SCGB2B2: variants seen among roughly 807,000 people sequenced by gnomAD.
The protein encoded by SCGB2B2 is secretoglobin family 2B member 2.
In SCGB2B2, 11 loss-of-function variants were observed where a neutral mutation model predicts 7.6. The observed-to-expected ratio is 1.45, with a 90% CI of 0.91 to 2.40. The LOEUF is 2.40. Ranked by LOEUF, SCGB2B2 falls within the 30% of genes most tolerant of loss-of-function variation. The pLI, the probability that SCGB2B2 is intolerant of heterozygous loss-of-function variation, is 0.00. For synonymous variants in SCGB2B2, 50 were observed against 48.6 expected, an observed-to-expected ratio of 1.03 and a Z score of -0.12; for missense variants, 104 against 115.4, an observed-to-expected ratio of 0.90 and a Z score of 0.45.
At chr19:34,659,558 A>G (rs1214764263) in intron 1 of SCGB2B2, among the ~76,000 whole-genome samples, 1 of 152,234 alleles carries the variant, frequency 6.6e-6, no homozygotes, top group Non-Finnish European at 1.5e-5. Context: ...AGAGAATAAA[A>G]TACCTAGGAA....
chr19:34,628,336 G>C (rs1003754173), intron 1 of SCGB2B2, among the ~76,000 whole-genome samples: 7 of 148,526 alleles, frequency 4.7e-5, no homozygotes, highest in Admixed American at 4.0e-4. Flanking sequence ...TCCAGGAACT[G>C]TTTTTTTGAC....
Position 34,676,153 on chromosome 19 carries a change from C to CA in SCGB2B2, c.-2556_-2555insT. The CA allele has an allele frequency of 6.6e-6, 1 of 152,246 alleles. No individual in the cohort carries two copies. The highest frequency in any genetic ancestry group is 3.4e-3 in the Middle Eastern group (1 of 294). The allele number at this position is 152,246 out of a possible 1,614,324, so 9.4% of individuals were successfully genotyped here. A position where few individuals can be genotyped will look rare whatever the true frequency, so the allele number is the denominator to read the frequency against. ...CTATTTTACAGAGTGCTGTTTGGTC[C>CA]GTTTTTACAGAGTGCTGACTGGTGC... On this transcript the variant is annotated 5_prime_UTR_variant, in exon 1 of 4. An upstream open reading frame in the 5' UTR loses its in-frame stop. Coordinates refer to ENST00000601241, the MANE Select transcript of SCGB2B2 (RefSeq NM_001025591.4).
At chr19:34,640,703 T>A (rs1212320104) in intron 1 of SCGB2B2, 1 of 152,234 alleles carries the variant, frequency 6.6e-6, no homozygotes, top group Non-Finnish European at 1.5e-5. Flanking sequence ...ATCACCACTA[T>A]CGATGTCCAA....
At chr19:34,647,914 G>A (rs530594289) in intron 1 of SCGB2B2, among the ~76,000 whole-genome samples, 1 of 152,318 alleles carries the variant, frequency 6.6e-6, no homozygotes, top group African/African-American at 2.4e-5. Context: ...ACCTGAGGCA[G>A]CCACCAGGTG....
chr19:34,668,430 T>TC (rs1234172254), intron 1 of SCGB2B2, among the ~76,000 whole-genome samples: 1 of 152,102 alleles, frequency 6.6e-6, no homozygotes, highest in Non-Finnish European at 1.5e-5. Context: ...CCTGAGCCTC[T>TC]CCCCCTCCTC....
At chr19:34,605,222 A>G (rs1355438143) in intron 1 of SCGB2B2, among the ~76,000 whole-genome samples, 1 of 152,186 alleles carries the variant, frequency 6.6e-6, no homozygotes, top group Non-Finnish European at 1.5e-5. Context: ...TAGCTTTTTG[A>G]GTCTTAAATG....
At chr19:34,623,995 A>C (rs2066304627) in intron 1 of SCGB2B2, among the ~76,000 whole-genome samples, 1 of 152,180 alleles carries the variant, frequency 6.6e-6, no homozygotes, top group Non-Finnish European at 1.5e-5. Flanking sequence ...TCACTTATAG[A>C]GGGATGCAGG....
At chr19:34,647,130 T>C (rs761753916) in intron 1 of SCGB2B2, among the ~76,000 whole-genome samples, 2 of 152,154 alleles carry the variant, frequency 1.3e-5, no homozygotes, top group Non-Finnish European at 2.9e-5. Flanking sequence ...GCTCTGCTCC[T>C]CGGGCTGTTG....
rs539781831 is a variant in SCGB2B2 at position 34,601,474 on chromosome 19, G to A, written c.-2031-4880C>T. On this transcript the variant is annotated intron_variant, in intron 1 of 3. Coordinates refer to ENST00000601241, the MANE Select transcript of SCGB2B2 (RefSeq NM_001025591.4). ...ATTCCTCTCCATAAAGCTGGTACAT[G>A]TTGCCATTTATTTTGGTCTTCCCTA... Among the ~76,000 whole-genome samples the A allele has an allele frequency of 3.9e-5, 6 of 152,266 alleles. No homozygotes were observed. The South Asian group carries it at 1.0e-3, about 26-fold the overall frequency.
chr19:34,621,930 C>A (rs2066252094), intron 1 of SCGB2B2, among the ~76,000 whole-genome samples: 1 of 152,154 alleles, frequency 6.6e-6, no homozygotes, highest in African/African-American at 2.4e-5. Flanking sequence ...TGGGTTCAGG[C>A]AAGGACAGGT....
intron 1 of SCGB2B2, among the ~76,000 whole-genome samples, chr19:34,660,407 G>C (rs1254814495): frequency 6.6e-6 from 1 of 152,028 alleles, no homozygotes; most frequent in Non-Finnish European, 1.5e-5. Flanking sequence ...CTAATATCCA[G>C]AATCTACAAA....
chr19:34,638,493 T>C (rs771691111), intron 1 of SCGB2B2, among the ~76,000 whole-genome samples: 6 of 145,318 alleles, frequency 4.1e-5, no homozygotes, highest in Non-Finnish European at 7.5e-5. Context: ...AAACAAACAA[T>C]GACAACAACA....
chr19:34,670,282 C>T lies in SCGB2B2; in HGVS notation c.-2032+5348G>A, dbSNP rs113069897. 8.8e-3 allele frequency among the ~76,000 whole-genome samples: 1,344 copies of T among 152,266 alleles called. 18 individuals carry two copies. Among genetic ancestry groups the T allele is most frequent in the African/African-American group, 0.029 (1,216 of 41,530 alleles). ...AATAAAAAGCATAATTACACCAAGT[C>T]GCAGAGTAAGTGGATGTTTACCTTT... On this transcript the variant is annotated intron_variant, in intron 1 of 3. Coordinates refer to ENST00000601241, the MANE Select transcript of SCGB2B2 (RefSeq NM_001025591.4).
chr19:34,607,550 A>G (rs1324980402), intron 1 of SCGB2B2, among the ~76,000 whole-genome samples: 2 of 152,184 alleles, frequency 1.3e-5, no homozygotes, highest in Admixed American at 6.6e-5. Flanking sequence ...AGGCTGTACC[A>G]TTTTATATTT....
intron 1 of SCGB2B2, among the ~76,000 whole-genome samples, chr19:34,641,295 T>G (rs566031050): frequency 6.6e-6 from 1 of 152,292 alleles, no homozygotes; most frequent in South Asian, 2.1e-4. Context: ...AGACATCCAT[T>G]GTGCACTGAA....
At chr19:34,597,145 T>G (rs1442298981) in intron 1 of SCGB2B2, among the ~76,000 whole-genome samples, 2 of 151,942 alleles carry the variant, frequency 1.3e-5, no homozygotes, top group Non-Finnish European at 2.9e-5. Flanking sequence ...CACTCACCTG[T>G]GACTCCCATC....
intron 1 of SCGB2B2, among the ~76,000 whole-genome samples, chr19:34,601,983 A>C (rs2065637608): frequency 6.6e-6 from 1 of 152,178 alleles, no homozygotes; most frequent in African/African-American, 2.4e-5. Context: ...AAGCTACAAA[A>C]ATTTTAAAAA....
chr19:34,624,687 G>A (rs1248814309), intron 1 of SCGB2B2, among the ~76,000 whole-genome samples: 7 of 152,224 alleles, frequency 4.6e-5, no homozygotes, highest in Non-Finnish European at 7.3e-5. Context: ...ACACCAAGGT[G>A]CAGCCTCCGC....
At chr19:34,658,834 A>AAAAAAAAAAAAAAAAAAAG (rs1555749405) in intron 1 of SCGB2B2, among the ~76,000 whole-genome samples, 2 of 118,754 alleles carry the variant, frequency 1.7e-5, no homozygotes, top group Non-Finnish European at 3.9e-5. Context: ...AAAAAAAAAA[A>AAAAAAAAAAAAAAAAAAAG]AGAGAGAGAA....
Sources: gnomAD v4.1 joint callset for allele counts (sites outside exome capture counted in the v4.1 genomes callset) on GRCh38, gnomAD v4.1.1 for gene constraint, MANE v1.5 for transcripts, NCBI Gene and HGNC (gene_info 2026-07-23, HGNC 2026-07-21) for gene names.